Variants in WWOX observed in about 807,000 individuals in gnomAD.
WWOX encodes the protein WW domain containing oxidoreductase, also known as WW domain-containing oxidoreductase.
In WWOX, 69 loss-of-function variants were observed where a neutral mutation model predicts 46.2. The observed-to-expected ratio is 1.49, with a 90% CI of 1.23 to 1.82. The LOEUF is 1.82. Among genes scored for constraint, WWOX ranks in the 40% most tolerant of loss-of-function variants. WWOX has a pLI of 0.00. For synonymous variants in WWOX, 359 were observed against 202.6 expected (o/e 1.77, Z -6.56); for missense variants, 919 against 542.6 (o/e 1.69, Z -6.89).
At chr16:78,967,560 C>T (rs143607420) in intron 8 of WWOX, among the ~76,000 whole-genome samples, 2,500 of 151,114 alleles carry the variant, frequency 0.017, 32 homozygotes, top group Non-Finnish European at 0.028. Flanking sequence ...CCATCTTGGC[C>T]TCCCAGAGTG....
Position 78,706,880 on chromosome 16 carries a change from C to T in WWOX, c.1056+274128C>T, listed in dbSNP as rs191723218. On this transcript the variant is annotated intron_variant, in intron 8 of 8. Transcript: ENST00000566780. ...TGACGCAATCCTGGCTGGCTGCAGC[C>T]TTGACCTTCTGGGCCCAAGCAGTGT... 1.6e-4 allele frequency among the ~76,000 whole-genome samples: 24 copies of T among 152,272 alleles called. 1 individual carries two copies. The highest frequency in any genetic ancestry group is 5.1e-4 in the African/African-American group (21 of 41,564).
chr16:78,573,541 A>G (rs963525157), intron 8 of WWOX, among the ~76,000 whole-genome samples: 1 of 152,186 alleles, frequency 6.6e-6, no homozygotes, highest in Non-Finnish European at 1.5e-5. Flanking sequence ...GCTCAAAAAC[A>G]TTCAGTGGCT....
intron 8 of WWOX, among the ~76,000 whole-genome samples, chr16:78,841,010 C>G (rs987859031): frequency 3.3e-5 from 5 of 152,016 alleles, no homozygotes; most frequent in African/African-American, 1.2e-4. Flanking sequence ...GTCCACGGGT[C>G]CATCCTGTGA....
chr16:78,333,408 A>G (rs1413305596), intron 5 of WWOX, among the ~76,000 whole-genome samples: 1 of 152,126 alleles, frequency 6.6e-6, no homozygotes. Context: ...ATATAGAAAA[A>G]GTTGCCTTAT....
chr16:78,339,182 T>C (rs1261226395), intron 5 of WWOX, among the ~76,000 whole-genome samples: 1 of 120,012 alleles, frequency 8.3e-6, no homozygotes, highest in Non-Finnish European at 2.0e-5. Flanking sequence ...TAAATTGTTA[T>C]AAATAAGTAA....
intron 8 of WWOX, among the ~76,000 whole-genome samples, chr16:79,039,255 C>G (rs182348368): frequency 4.7e-4 from 71 of 152,252 alleles, no homozygotes; most frequent in African/African-American, 1.7e-3. Flanking sequence ...GCAGGAATGA[C>G]TGTCTTGGTG....
At chr16:78,572,822 C>A (rs553241264) in intron 8 of WWOX, among the ~76,000 whole-genome samples, 3 of 151,744 alleles carry the variant, frequency 2.0e-5, no homozygotes, top group Non-Finnish European at 2.9e-5. Context: ...GGTGCCATGG[C>A]GAGAGATACA....
chr16:78,786,190 G>A (rs1597607252), intron 8 of WWOX, among the ~76,000 whole-genome samples: 1 of 152,180 alleles, frequency 6.6e-6, no homozygotes, highest in Non-Finnish European at 1.5e-5. Context: ...GATTACAGGC[G>A]TGAGCCACCG....
chr16:79,088,534 A>C (rs551987467), intron 8 of WWOX, among the ~76,000 whole-genome samples: 46 of 152,350 alleles, frequency 3.0e-4, no homozygotes, highest in African/African-American at 1.1e-3. Context: ...GGAGTCAGAA[A>C]AATGACAACA....
intron 4 of WWOX, among the ~76,000 whole-genome samples, chr16:78,144,433 A>ATATATATATATACGTG (rs1258416152): frequency 1.3e-4 from 2 of 15,928 alleles, no homozygotes; most frequent in African/African-American, 8.4e-4. Flanking sequence ...CCATTACTAT[A>ATATATATATATACGTG]TATATATATA....
At chr16:78,941,751 AT>A (rs1483837539) in intron 8 of WWOX, among the ~76,000 whole-genome samples, 2 of 152,212 alleles carry the variant, frequency 1.3e-5, no homozygotes, top group Non-Finnish European at 2.9e-5. Flanking sequence ...TCGCCTTACA[AT>A]GAAATTATAT....
chr16:78,789,498 A>G (rs1184024395), intron 8 of WWOX, among the ~76,000 whole-genome samples: 3 of 152,068 alleles, frequency 2.0e-5, no homozygotes, highest in African/African-American at 7.2e-5. Context: ...ATTATATCCC[A>G]TTGATCTGTA....
intron 5 of WWOX, among the ~76,000 whole-genome samples, chr16:78,213,781 G>A (rs2036633136): frequency 6.6e-6 from 1 of 152,118 alleles, no homozygotes. Context: ...GGAACTAGGT[G>A]ACAACCTGCT....
intron 5 of WWOX, among the ~76,000 whole-genome samples, chr16:78,358,816 G>C (rs909617977): frequency 2.1e-5 from 3 of 145,796 alleles, no homozygotes; most frequent in African/African-American, 7.6e-5. Flanking sequence ...AGCTCTTTCT[G>C]ACTTTTTAAA....
At chr16:78,489,156 T>C (rs2151458845) in intron 8 of WWOX, among the ~76,000 whole-genome samples, 1 of 152,180 alleles carries the variant, frequency 6.6e-6, no homozygotes, top group East Asian at 1.9e-4. Context: ...TTTATAGGAG[T>C]CATTAATCTC....
At chr16:78,369,582 C>G (rs1315894229) in intron 5 of WWOX, among the ~76,000 whole-genome samples, 6 of 152,082 alleles carry the variant, frequency 3.9e-5, no homozygotes, top group Admixed American at 3.3e-4. Context: ...AGGGGCTGGA[C>G]TGATTTCTCA....
At chr16:79,124,733 C>G (rs946470105) in intron 8 of WWOX, among the ~76,000 whole-genome samples, 1 of 152,148 alleles carries the variant, frequency 6.6e-6, no homozygotes, top group African/African-American at 2.4e-5. Flanking sequence ...ACATTTGTGT[C>G]TTAAAGTGTT....
At position 78,728,055 on chromosome 16, in the gene WWOX, C is replaced by CTTTT. The variant is rs758484198; in HGVS notation, c.1056+295327_1056+295330dup. Among the ~76,000 whole-genome samples, 94 of 86,780 alleles carry CTTTT rather than the reference C, an allele frequency of 1.1e-3. 6 individuals are homozygous for CTTTT. The highest frequency in any genetic ancestry group is 4.8e-3 in the African/African-American group (81 of 16,964). The allele number at this position is 86,780 out of a possible 152,430, so 56.9% of individuals were successfully genotyped here. A position where few individuals can be genotyped will look rare whatever the true frequency, so the allele number is the denominator to read the frequency against. On this transcript the variant is annotated intron_variant, in intron 8 of 8. Transcript: ENST00000566780. The stretch of plus-strand genomic sequence containing the variant: ...TTCCTCTTTCCTCTCTCCCTCCTTC[C>CTTTT]TTTTTTTTTTTTTTTTTTTTTTTTT...
chr16:78,507,545 T>A (rs1415406159), intron 8 of WWOX, among the ~76,000 whole-genome samples: 14 of 152,196 alleles, frequency 9.2e-5, no homozygotes. Context: ...AGAGACCCAC[T>A]GCATGTCCTA....
Sources: allele counts gnomAD v4.1 joint callset (sites outside exome capture counted in the v4.1 genomes callset), GRCh38; gene constraint gnomAD v4.1.1; transcripts MANE v1.5; gene names NCBI Gene and HGNC (gene_info 2026-07-23, HGNC 2026-07-21).